CNTNAP2: variants seen among roughly 807,000 people sequenced by gnomAD.
CNTNAP2 encodes the protein contactin-associated protein-like 2.
CNTNAP2 carries 98 observed loss-of-function variants against 155.2 expected under a neutral mutation model. That is an observed-to-expected ratio of 0.63 (90% CI 0.54 to 0.75). The LOEUF (loss-of-function observed/expected upper bound fraction) is 0.75, where lower values mean the gene tolerates loss of function less well. Ranked by LOEUF, CNTNAP2 falls within the 30% of genes least tolerant of loss-of-function variation. CNTNAP2 has a pLI of 0.00. For synonymous variants in CNTNAP2, 651 were observed against 631.2 expected, an observed-to-expected ratio of 1.03 and a Z score of -0.47; for missense variants, 1,727 against 1,688.1, an observed-to-expected ratio of 1.02 and a Z score of -0.40.
At chr7:147,769,471 T>C (rs916200904) in intron 13 of CNTNAP2, among the ~76,000 whole-genome samples, 2 of 152,164 alleles carry the variant, frequency 1.3e-5, no homozygotes, top group Non-Finnish European at 2.9e-5. Flanking sequence ...TAGTGAAGTG[T>C]CTGATTATCC....
chr7:147,562,962 T>A (rs888966235), intron 12 of CNTNAP2, among the ~76,000 whole-genome samples: 2 of 152,142 alleles, frequency 1.3e-5, no homozygotes, highest in African/African-American at 4.8e-5. Context: ...AAGACCAGCA[T>A]TTGATGTGAA....
At chr7:146,985,714 T>TAACCATCAA (rs1316783972) in intron 3 of CNTNAP2, among the ~76,000 whole-genome samples, 4 of 152,166 alleles carry the variant, frequency 2.6e-5, no homozygotes, top group African/African-American at 9.6e-5. Flanking sequence ...GATAAGTTTT[T>TAACCATCAA]CACAAATATT....
chr7:147,408,536 G>A (rs1000407386), intron 10 of CNTNAP2, among the ~76,000 whole-genome samples: 33 of 152,266 alleles, frequency 2.2e-4, no homozygotes, highest in Middle Eastern at 3.4e-3. Flanking sequence ...TGACGCGGGC[G>A]GATCACGAGG....
At chr7:147,359,758 A>G (rs1796116579) in intron 9 of CNTNAP2, among the ~76,000 whole-genome samples, 5 of 152,016 alleles carry the variant, frequency 3.3e-5, no homozygotes, top group Admixed American at 2.0e-4. Context: ...TATTGCCCAA[A>G]TGTCACCTTC....
intron 10 of CNTNAP2, among the ~76,000 whole-genome samples, chr7:147,408,918 A>C (rs1232260138): frequency 6.6e-6 from 1 of 152,234 alleles, no homozygotes; most frequent in Non-Finnish European, 1.5e-5. Context: ...GAATTACTGC[A>C]GTAGAACCAG....
intron 1 of CNTNAP2, among the ~76,000 whole-genome samples, chr7:146,269,320 C>G (rs1398178754): frequency 2.0e-5 from 3 of 151,346 alleles, no homozygotes; most frequent in Non-Finnish European, 2.9e-5. Flanking sequence ...AGCCTGGTGA[C>G]AGAGCGAGAC....
intron 13 of CNTNAP2, among the ~76,000 whole-genome samples, chr7:147,813,307 A>G (rs1798211240): frequency 6.6e-6 from 1 of 152,204 alleles, no homozygotes; most frequent in African/African-American, 2.4e-5. Flanking sequence ...AAGTTGATGC[A>G]TTCCCTTGGC....
At chr7:146,857,556 A>T (rs1795014676) in intron 3 of CNTNAP2, among the ~76,000 whole-genome samples, 1 of 152,178 alleles carries the variant, frequency 6.6e-6, no homozygotes. Context: ...TAACTAGCTA[A>T]TAAGTGGTGT....
chr7:146,177,674 C>T (rs748232089), intron 1 of CNTNAP2, among the ~76,000 whole-genome samples: 82 of 152,168 alleles, frequency 5.4e-4, no homozygotes, highest in Non-Finnish European at 1.3e-4. Flanking sequence ...GGTTGACTTC[C>T]CAATGTCTTC....
intron 18 of CNTNAP2, among the ~76,000 whole-genome samples, chr7:148,204,201 C>T (rs954202348): frequency 6.6e-6 from 1 of 152,252 alleles, no homozygotes; most frequent in East Asian, 1.9e-4. Flanking sequence ...ACTGCCGATA[C>T]GATGTGGCAT....
chr7:147,948,712 G>A (rs1466052205), intron 14 of CNTNAP2, among the ~76,000 whole-genome samples: 1 of 150,726 alleles, frequency 6.6e-6, no homozygotes, highest in African/African-American at 2.4e-5. Context: ...GGACAATGCA[G>A]GGGTTAGGGC....
intron 21 of CNTNAP2, among the ~76,000 whole-genome samples, chr7:148,375,378 G>T (rs953894563): frequency 1.4e-5 from 2 of 144,846 alleles, no homozygotes; most frequent in Non-Finnish European, 3.0e-5. Context: ...AATTTTTTTT[G>T]AGACAGAGTC....
At chr7:147,662,838 A>G (rs1248249062) in intron 13 of CNTNAP2, among the ~76,000 whole-genome samples, 2 of 152,196 alleles carry the variant, frequency 1.3e-5, no homozygotes, top group East Asian at 1.9e-4. Flanking sequence ...AATACAACCA[A>G]CGAAAGCCGA....
At chr7:147,308,691 G>T (rs1697108873) in intron 9 of CNTNAP2, among the ~76,000 whole-genome samples, 1 of 152,146 alleles carries the variant, frequency 6.6e-6, no homozygotes, top group African/African-American at 2.4e-5. Context: ...TAAGGAATTT[G>T]TTCTGTATGT....
At chr7:147,154,005 A>G (rs1200266171) in intron 8 of CNTNAP2, among the ~76,000 whole-genome samples, 2 of 152,090 alleles carry the variant, frequency 1.3e-5, no homozygotes, top group Non-Finnish European at 2.9e-5. Flanking sequence ...TTGCTCTTTC[A>G]AGAAAGTCAA....
intron 13 of CNTNAP2, among the ~76,000 whole-genome samples, chr7:147,639,681 G>A (rs1795242943): frequency 6.6e-6 from 1 of 152,168 alleles, no homozygotes; most frequent in Non-Finnish European, 1.5e-5. Flanking sequence ...TCTAAAAATT[G>A]TCTACAGCCA....
At chr7:148,006,582 G>C (rs530451910) in intron 15 of CNTNAP2, among the ~76,000 whole-genome samples, 3 of 149,416 alleles carry the variant, frequency 2.0e-5, no homozygotes, top group African/African-American at 7.4e-5. Context: ...GCCTTCCAAA[G>C]TGCTGGGATT....
intron 13 of CNTNAP2, among the ~76,000 whole-genome samples, chr7:147,694,989 C>G (rs1352888074): frequency 1.3e-5 from 2 of 152,100 alleles, no homozygotes; most frequent in Admixed American, 1.3e-4. Context: ...CAATTTCCCT[C>G]TAAGCACTCC....
chr7:147,003,541 G>A (rs562622202), intron 3 of CNTNAP2, among the ~76,000 whole-genome samples: 2 of 151,824 alleles, frequency 1.3e-5, no homozygotes, highest in African/African-American at 2.4e-5. Flanking sequence ...CAACGTAAGA[G>A]TTAAAATCTC....
Sources: gnomAD v4.1 joint callset for allele counts (sites outside exome capture counted in the v4.1 genomes callset) on GRCh38, gnomAD v4.1.1 for gene constraint, MANE v1.5 for transcripts, NCBI Gene and HGNC (gene_info 2026-07-23, HGNC 2026-07-21) for gene names.